Variants in PRKG1 observed in about 807,000 individuals in gnomAD.
The protein encoded by PRKG1 is protein kinase cGMP-dependent 1.
A neutral mutation model predicts 88.1 loss-of-function variants in PRKG1; 35 were observed. The observed-to-expected ratio is 0.40, with a 90% CI of 0.30 to 0.53. PRKG1 has a LOEUF of 0.53. PRKG1 is among the 20% of genes least tolerant of loss of function. PRKG1 has a pLI of 0.59. For synonymous variants in PRKG1, 303 were observed against 292.5 expected, an observed-to-expected ratio of 1.04 and a Z score of -0.37; for missense variants, 540 against 839.8, an observed-to-expected ratio of 0.64 and a Z score of 4.41.
rs541327368 is a variant in PRKG1 at position 51,869,566 on chromosome 10, G to GCTCAT, written c.699-37938_699-37934dup. 2.2e-4 allele frequency among the ~76,000 whole-genome samples: 33 copies of GCTCAT among 152,176 alleles called. 1 individual carries two copies. The South Asian group carries it at 5.6e-3, about 26-fold the overall frequency. The stretch of plus-strand genomic sequence containing the variant: ...TTGAACTCAAAGATCTTATCATCTA[G>GCTCAT]CTCATCTGGCTTACCATCATTTTTT... On this transcript the variant is annotated intron_variant, in intron 4 of 17. Coordinates refer to ENST00000373980, the MANE Select transcript of PRKG1 (RefSeq NM_006258.4).
chr10:51,226,505 GATCTTTGGCTGTTTGAATA>G (rs772998423), intron 2 of PRKG1, among the ~76,000 whole-genome samples: 4 of 152,130 alleles, frequency 2.6e-5, no homozygotes, highest in African/African-American at 4.8e-5. Context: ...TTGTTAGGCA[GATCTTTGGCTGTTTGAATA>G]ATCAACTGTA....
At chr10:51,851,343 G>A (rs531443935) in intron 4 of PRKG1, among the ~76,000 whole-genome samples, 5 of 152,302 alleles carry the variant, frequency 3.3e-5, no homozygotes, top group African/African-American at 1.2e-4. Flanking sequence ...AGTGGAGTTT[G>A]TGGGTGGGGT....
At chr10:51,994,149 G>C (rs900630908) in intron 5 of PRKG1, among the ~76,000 whole-genome samples, 1 of 152,142 alleles carries the variant, frequency 6.6e-6, no homozygotes, top group Non-Finnish European at 1.5e-5. Flanking sequence ...TCTTCCTAAA[G>C]AGAGGTCTAA....
chr10:52,251,222 CAAA>C (rs1339820493), intron 9 of PRKG1, among the ~76,000 whole-genome samples: 2 of 151,992 alleles, frequency 1.3e-5, no homozygotes, highest in Non-Finnish European at 2.9e-5. Flanking sequence ...AAATCTAAAA[CAAA>C]ACCAAAAAAG....
chr10:51,215,427 T>C (rs1455430912), intron 2 of PRKG1, among the ~76,000 whole-genome samples: 2 of 152,136 alleles, frequency 1.3e-5, no homozygotes, highest in Non-Finnish European at 2.9e-5. Context: ...ATGGAGGTCA[T>C]ATACATATTT....
At chr10:51,939,663 T>G (rs1337715364) in intron 5 of PRKG1, among the ~76,000 whole-genome samples, 1 of 151,940 alleles carries the variant, frequency 6.6e-6, no homozygotes, top group African/African-American at 2.4e-5. Flanking sequence ...ACTTGTCTTT[T>G]TTGGCCTCTG....
At chr10:51,123,388 A>T (rs73333888) in intron 1 of PRKG1, among the ~76,000 whole-genome samples, 1 of 152,140 alleles carries the variant, frequency 6.6e-6, no homozygotes, top group Non-Finnish European at 1.5e-5. Flanking sequence ...TTGCGTTGCT[A>T]TAAATAAATA....
chr10:51,197,299 G>A (rs1837793696), intron 2 of PRKG1, among the ~76,000 whole-genome samples: 1 of 152,036 alleles, frequency 6.6e-6, no homozygotes, highest in African/African-American at 2.4e-5. Context: ...TTGAGATGGA[G>A]TCTCACTCTG....
chr10:51,301,622 A>T (rs1840889443), intron 2 of PRKG1, among the ~76,000 whole-genome samples: 1 of 152,222 alleles, frequency 6.6e-6, no homozygotes, highest in Non-Finnish European at 1.5e-5. Flanking sequence ...AAGGATTGGG[A>T]ATAGGTCAGG....
chr10:51,641,069 C>G (rs1000015836), intron 3 of PRKG1, among the ~76,000 whole-genome samples: 1 of 149,328 alleles, frequency 6.7e-6, no homozygotes, highest in Non-Finnish European at 1.5e-5. Flanking sequence ...TAAAAAAAAT[C>G]AGATAATCAG....
chr10:51,482,249 A>G (rs1840385154), intron 3 of PRKG1, among the ~76,000 whole-genome samples: 1 of 152,126 alleles, frequency 6.6e-6, no homozygotes, highest in South Asian at 2.1e-4. Flanking sequence ...TTTTACCCTA[A>G]GTGAGTTATT....
chr10:52,006,060 G>A (rs1004711803), intron 5 of PRKG1, among the ~76,000 whole-genome samples: 3 of 150,218 alleles, frequency 2.0e-5, no homozygotes, highest in African/African-American at 7.4e-5. Flanking sequence ...ACCCCCAAGG[G>A]CATCAAATAA....
intron 3 of PRKG1, chr10:51,697,675 C>T (rs751830434): frequency 1.9e-5 from 31 of 1,609,864 alleles, no homozygotes; most frequent in Non-Finnish European, 2.6e-5. Flanking sequence ...TTTGAGACTA[C>T]AGCCAAATAT....
At chr10:51,804,766 ATTTCAGGGTGCTTT>A (rs1839261934) in intron 4 of PRKG1, 76 bp downstream of exon 4, 1 of 1,034,948 alleles carries the variant, frequency 9.7e-7, no homozygotes, top group African/African-American at 1.6e-5. Flanking sequence ...AGCACCCTGA[ATTTCAGGGTGCTTT>A]TTGCCTTTCT....
At chr10:51,435,421 CTGACATATATATATATATATATGTCATA>C (rs1400010239) in intron 2 of PRKG1, among the ~76,000 whole-genome samples, 6 of 50,622 alleles carry the variant, frequency 1.2e-4, no homozygotes, top group East Asian at 6.5e-4. Flanking sequence ...AGGGACATTA[CTGACATATATATATATATATATGTCATA>C]TGACATATAT....
chr10:52,077,644 C>G (rs1846664398), intron 7 of PRKG1, among the ~76,000 whole-genome samples: 1 of 152,100 alleles, frequency 6.6e-6, no homozygotes, highest in Non-Finnish European at 1.5e-5. Context: ...TTAAAACTCA[C>G]TAGACAGTCG....
At chr10:52,014,956 C>G (rs1262391012) in intron 5 of PRKG1, among the ~76,000 whole-genome samples, 1 of 152,238 alleles carries the variant, frequency 6.6e-6, no homozygotes, top group African/African-American at 2.4e-5. Context: ...CTTCAGGGTA[C>G]AGCCCCCACA....
chr10:51,188,247 A>G (rs1037181171), intron 2 of PRKG1, among the ~76,000 whole-genome samples: 2 of 152,000 alleles, frequency 1.3e-5, no homozygotes, highest in African/African-American at 4.8e-5. Context: ...GCCATGGGCT[A>G]TTTTTTGATG....
chr10:51,735,930 CTT>C (rs1180307253), intron 3 of PRKG1, among the ~76,000 whole-genome samples: 96 of 74,958 alleles, frequency 1.3e-3, no homozygotes, highest in Middle Eastern at 0.012. Flanking sequence ...TTTAAGTTGT[CTT>C]TTTTTTTTTT....
Sources: gnomAD v4.1 joint callset for allele counts (sites outside exome capture counted in the v4.1 genomes callset) on GRCh38, gnomAD v4.1.1 for gene constraint, MANE v1.5 for transcripts, NCBI Gene and HGNC (gene_info 2026-07-23, HGNC 2026-07-21) for gene names.